PEX14: variants seen among roughly 807,000 people sequenced by gnomAD.
PEX14 encodes the protein peroxisomal biogenesis factor 14.
Under a neutral mutation model 49.5 loss-of-function variants are expected in PEX14, and 15 were observed. The ratio of observed to expected loss-of-function variants is 0.30; its 90% confidence interval spans 0.20 to 0.47. The LOEUF (loss-of-function observed/expected upper bound fraction) is 0.47, where lower values mean the gene tolerates loss of function less well. Ranked by LOEUF, PEX14 falls within the 20% of genes least tolerant of loss-of-function variation. The pLI, the probability that PEX14 is intolerant of heterozygous loss-of-function variation, is 1.00. For synonymous variants in PEX14, 210 were observed against 212.7 expected (o/e 0.99, Z 0.11); for missense variants, 398 against 494.8 (o/e 0.80, Z 1.86).
At chr1:10,577,524 C>CCATATATATATA (rs1557854615) in intron 3 of PEX14, among the ~76,000 whole-genome samples, 1 of 44,346 alleles carries the variant, frequency 2.3e-5, no homozygotes, top group African/African-American at 8.3e-5. Flanking sequence ...ATTTTGGACA[C>CCATATATATATA]TATACATATA....
chr1:10,589,875 C>G (rs75591512), intron 3 of PEX14, among the ~76,000 whole-genome samples: 1,764 of 152,312 alleles, frequency 0.012, 32 homozygotes, highest in African/African-American at 0.04. Flanking sequence ...ATTGGGCATC[C>G]TCTTGTTTAA....
rs918930016 is a variant in PEX14 at position 10,512,889 on chromosome 1, A to G, written c.84+17568A>G. ...ATTTTTTGTATTTTTAGTAGAGATG[A>G]GGTTTCATCGTGTTAGCTGGGATGG... On this transcript the variant is annotated intron_variant, in intron 2 of 8. Transcript: ENST00000356607. This position sits in a 1 kb window ranked among gnomAD's most constrained non-coding sequence, Gnocchi z 4.6. Among the ~76,000 whole-genome samples, 2 of 151,784 alleles carry G rather than the reference A, an allele frequency of 1.3e-5. No individual in the cohort carries two copies. The highest frequency in any genetic ancestry group is 4.8e-5 in the African/African-American group (2 of 41,318).
rs897990556 is a variant in PEX14 at position 10,533,146 on chromosome 1, A to C, written c.85-3067A>C. On this transcript the variant is annotated intron_variant, in intron 2 of 8. Coordinates refer to ENST00000356607, the MANE Select transcript of PEX14 (RefSeq NM_004565.3). ...GAGGTTTTCATATGTTCACACTTAC[A>C]TGTAGCCACTTCTCAGGGTGTCTTT... Among the ~76,000 whole-genome samples, 7 of 152,052 alleles carry C rather than the reference A, an allele frequency of 4.6e-5. No homozygotes were observed. The East Asian group carries it at 1.3e-3, about 29-fold the overall frequency.
chr1:10,566,354 A>G (rs187456701), intron 3 of PEX14, among the ~76,000 whole-genome samples: 7 of 152,370 alleles, frequency 4.6e-5, no homozygotes, highest in African/African-American at 1.7e-4. Context: ...ATAATTTTAT[A>G]TACTAAGGAA....
At chr1:10,583,251 GTT>G (rs564963412) in intron 3 of PEX14, among the ~76,000 whole-genome samples, 223 of 147,444 alleles carry the variant, frequency 1.5e-3, no homozygotes, top group African/African-American at 5.2e-3. Flanking sequence ...ATAGAGTCTT[GTT>G]TTGTCACCCA....
At chr1:10,526,167 G>A (rs561548038) in intron 2 of PEX14, among the ~76,000 whole-genome samples, 74 of 150,236 alleles carry the variant, frequency 4.9e-4, no homozygotes, top group African/African-American at 1.5e-3. Context: ...TGATCCGCCC[G>A]CCTCAGCCTC....
At chr1:10,490,469 G>C (rs1641451647) in intron 1 of PEX14, among the ~76,000 whole-genome samples, 1 of 152,160 alleles carries the variant, frequency 6.6e-6, no homozygotes, top group Admixed American at 6.5e-5. Context: ...GTTGGGGAAG[G>C]TCAGCGCCTT....
rs115936789 is a variant in PEX14, at chr1:10,604,122, G to A, written c.298+4756G>A. Among the ~76,000 whole-genome samples, 872 of 152,280 alleles carry A rather than the reference G, an allele frequency of 5.7e-3. 10 individuals are homozygous for A. Among genetic ancestry groups the A allele is most frequent in the African/African-American group, 0.02 (820 of 41,544 alleles). ...CTGGTCGCTCTCTCTGGTTGCTCCC[G>A]TCTGGTAGGAAAGACGGTTAGGCCA... On this transcript the variant is annotated intron_variant, in intron 4 of 8. Coordinates refer to ENST00000356607, the MANE Select transcript of PEX14 (RefSeq NM_004565.3).
intron 3 of PEX14, among the ~76,000 whole-genome samples, chr1:10,542,825 A>G (rs1024179382): frequency 9.9e-5 from 15 of 152,222 alleles, no homozygotes; most frequent in Admixed American, 6.5e-5. Context: ...GTTGATTCCT[A>G]TCTTCTGCTG....
At chr1:10,540,363 A>G (rs898689199) in intron 3 of PEX14, among the ~76,000 whole-genome samples, 3 of 152,084 alleles carry the variant, frequency 2.0e-5, no homozygotes, top group Non-Finnish European at 4.4e-5. Flanking sequence ...GGTAGTTTGC[A>G]TGTCCTTGAA....
At chr1:10,591,089 T>C (rs1037492567) in intron 3 of PEX14, among the ~76,000 whole-genome samples, 4 of 152,242 alleles carry the variant, frequency 2.6e-5, no homozygotes, top group Non-Finnish European at 5.9e-5. Context: ...AAAGAACATA[T>C]GAGACGGCGT....
chr1:10,604,569 C>T (rs1030910637), intron 4 of PEX14, among the ~76,000 whole-genome samples: 2 of 152,034 alleles, frequency 1.3e-5, no homozygotes, highest in Non-Finnish European at 2.9e-5. Flanking sequence ...CATGGTTGTA[C>T]CCCTGCACTC....
chr1:10,568,821 C>A (rs1339819071), intron 3 of PEX14, among the ~76,000 whole-genome samples: 2 of 152,038 alleles, frequency 1.3e-5, no homozygotes, highest in Non-Finnish European at 2.9e-5. Context: ...CTCACTGCAA[C>A]CTCCGCCTCC....
chr1:10,612,181 G>T (rs1197935768), intron 4 of PEX14, among the ~76,000 whole-genome samples: 1 of 152,174 alleles, frequency 6.6e-6, no homozygotes, highest in Non-Finnish European at 1.5e-5. Flanking sequence ...TATAAGGTGA[G>T]AGTCAAGGTT....
At chr1:10,535,965 C>G (rs2506889) in intron 2 of PEX14, 1 of 468,806 alleles carries the variant, frequency 2.1e-6, no homozygotes, top group African/African-American at 2.0e-5. Context: ...CAGGAAGGAT[C>G]GTCGCAGGCC....
chr1:10,618,486 G>T, intron 5 of PEX14, 69 bp downstream of exon 5: 3 of 1,197,540 alleles, frequency 2.5e-6, no homozygotes, highest in Non-Finnish European at 2.5e-6. Context: ...CCCTTTCACT[G>T]GTTCCCCTGC....
rs1641524861 is a variant in PEX14, at chr1:10,619,312, G to A, written c.384+895G>A. On this transcript the variant is annotated intron_variant, in intron 5 of 8. Transcript: ENST00000356607. ...CTGCCAGCTCCTCCACCCCTGATTG[G>A]TGATTTTTTTTTTTTTTTTTTTGAG... is the stretch of plus-strand genomic sequence containing the variant. Among the ~76,000 whole-genome samples, 2 of 149,970 alleles carry A rather than the reference G, an allele frequency of 1.3e-5. 1 individual carries two copies. Among genetic ancestry groups the A allele is most frequent in the South Asian group, 4.3e-4 (2 of 4,636 alleles).
At chr1:10,600,517 G>T (rs574756614) in intron 4 of PEX14, among the ~76,000 whole-genome samples, 6 of 152,036 alleles carry the variant, frequency 3.9e-5, no homozygotes, top group African/African-American at 1.4e-4. Context: ...AGGAGTTCGA[G>T]ACCAGCCTGG....
chr1:10,613,263 C>CA lies in PEX14; in HGVS notation c.299-5068dup, dbSNP rs1161899158. 6.6e-6 allele frequency among the ~76,000 whole-genome samples: 1 copy of CA among 152,160 alleles called. No homozygotes were observed. Among genetic ancestry groups the CA allele is most frequent in the Non-Finnish European group, 1.5e-5 (1 of 68,038 alleles). On this transcript the variant is annotated intron_variant, in intron 4 of 8. Coordinates refer to ENST00000356607, the MANE Select transcript of PEX14 (RefSeq NM_004565.3). The surrounding 1 kb of genome is among the most constrained non-coding windows in gnomAD (Gnocchi z 5.0). Reference sequence around the variant, plus strand: ...TTTGGTTGGTGGAGGTATAAAGAAACAGAGTCATGTTGGTTTTGTTGGTGT... The same window carrying CA: ...TTTGGTTGGTGGAGGTATAAAGAAACAAGAGTCATGTTGGTTTTGTTGGTGT...
Sources: gnomAD v4.1 joint callset for allele counts (sites outside exome capture counted in the v4.1 genomes callset) on GRCh38, gnomAD v4.1.1 for gene constraint, Gnocchi (gnomAD v3.1) non-coding constraint, MANE v1.5 for transcripts, NCBI Gene and HGNC (gene_info 2026-07-23, HGNC 2026-07-21) for gene names.